The following ZFPM2 variants were observed in gnomAD, a reference collection of about 807,000 sequenced individuals.
The protein encoded by ZFPM2 is zinc finger protein, FOG family member 2.
In ZFPM2, 20 loss-of-function variants were observed where a neutral mutation model predicts 98.6. That is an observed-to-expected ratio of 0.20 (90% confidence interval 0.14 to 0.29). ZFPM2 has a LOEUF of 0.29. ZFPM2 is among the 10% of genes least tolerant of loss of function. The pLI is 1.00. For missense variants in ZFPM2, 1,310 were observed against 1,388.6 expected (o/e 0.94, Z 0.90); for synonymous variants, 518 against 502.7 (o/e 1.03, Z -0.41).
At chr8:105,381,441 C>T (rs1005609759) in intron 1 of ZFPM2, among the ~76,000 whole-genome samples, 6 of 151,778 alleles carry the variant, frequency 4.0e-5, no homozygotes, top group Admixed American at 6.6e-5. Context: ...AGTAAGATAC[C>T]CAAACTAGAG....
chr8:105,624,551 A>T (rs1816615096), intron 4 of ZFPM2, among the ~76,000 whole-genome samples: 1 of 152,156 alleles, frequency 6.6e-6, no homozygotes, highest in Non-Finnish European at 1.5e-5. Context: ...TCATCTAGAG[A>T]TTCTTCCCAT....
At chr8:105,764,666 T>G (rs1400376736) in intron 5 of ZFPM2, among the ~76,000 whole-genome samples, 1 of 151,824 alleles carries the variant, frequency 6.6e-6, no homozygotes, top group Non-Finnish European at 1.5e-5. Context: ...AAGTGAAATG[T>G]GTTTTTTCAT....
intron 5 of ZFPM2, among the ~76,000 whole-genome samples, chr8:105,772,181 C>T (rs1465915493): frequency 6.6e-6 from 1 of 152,094 alleles, no homozygotes; most frequent in African/African-American, 2.4e-5. Context: ...CCCAGAACTT[C>T]CACTTAAGAA....
At chr8:105,501,074 G>A (rs1253856362) in intron 3 of ZFPM2, among the ~76,000 whole-genome samples, 2 of 152,054 alleles carry the variant, frequency 1.3e-5, no homozygotes, top group Non-Finnish European at 2.9e-5. Flanking sequence ...CACTATAACA[G>A]TTCCAATTTG....
rs181584971 is a variant in ZFPM2 at position 105,500,627 on chromosome 8, G to C, written c.301+56246G>C. Reference sequence around the variant, plus strand: ...AGAAGTGATAATATATGGGTTATTAGCTAAGTATATTGTAATGGAAATTTA... The same window carrying C: ...AGAAGTGATAATATATGGGTTATTACCTAAGTATATTGTAATGGAAATTTA... On this transcript the variant is annotated intron_variant, in intron 3 of 7. Transcript: ENST00000407775. Among the ~76,000 whole-genome samples, 30 of 152,210 alleles carry C rather than the reference G, an allele frequency of 2.0e-4. 1 individual carries two copies. Among genetic ancestry groups the C allele is most frequent in the Admixed American group, 1.9e-3 (29 of 15,288 alleles).
intron 5 of ZFPM2, among the ~76,000 whole-genome samples, chr8:105,706,961 C>T (rs2130967428): frequency 6.6e-6 from 1 of 150,746 alleles, no homozygotes; most frequent in South Asian, 2.1e-4. Context: ...AGTATTTAGG[C>T]TGGGTGTGGT....
At chr8:105,683,754 T>A (rs1457889036) in intron 5 of ZFPM2, among the ~76,000 whole-genome samples, 3 of 152,178 alleles carry the variant, frequency 2.0e-5, no homozygotes, top group Admixed American at 6.6e-5. Flanking sequence ...TTTTTCCAGG[T>A]TGAATTAGAA....
intron 3 of ZFPM2, among the ~76,000 whole-genome samples, chr8:105,486,944 C>T (rs950740119): frequency 2.0e-4 from 30 of 152,202 alleles, no homozygotes; most frequent in African/African-American, 5.1e-4. Flanking sequence ...TAAATGTGTA[C>T]GCTTTTGATA....
intron 1 of ZFPM2, among the ~76,000 whole-genome samples, chr8:105,330,612 ACATATAT>A: frequency 2.7e-5 from 1 of 36,710 alleles, no homozygotes; most frequent in Admixed American, 2.9e-4. Flanking sequence ...ATATATATAC[ACATATAT>A]ATATATATAT....
intron 1 of ZFPM2, among the ~76,000 whole-genome samples, chr8:105,384,150 G>A (rs1412815425): frequency 6.6e-6 from 1 of 152,044 alleles, no homozygotes; most frequent in African/African-American, 2.4e-5. Context: ...TCCCCATTCT[G>A]CCAGCCCTCC....
chr8:105,558,336 T>C (rs1314489678), intron 3 of ZFPM2, among the ~76,000 whole-genome samples: 1 of 152,138 alleles, frequency 6.6e-6, no homozygotes, highest in African/African-American at 2.4e-5. Context: ...TAAGAAAGGA[T>C]TTTCCTAAAC....
chr8:105,619,749 TC>T (rs1816495586), intron 4 of ZFPM2, among the ~76,000 whole-genome samples: 1 of 151,712 alleles, frequency 6.6e-6, no homozygotes, highest in Non-Finnish European at 1.5e-5. Flanking sequence ...TTCTTGTTGT[TC>T]AGTTCCCACC....
chr8:105,392,065 A>T (rs1364825850), intron 1 of ZFPM2, among the ~76,000 whole-genome samples: 2 of 152,176 alleles, frequency 1.3e-5, no homozygotes, highest in Non-Finnish European at 2.9e-5. Flanking sequence ...TGCAGAATGG[A>T]TTTTTGTTAC....
chr8:105,669,536 A>ATGTG (rs71305176), intron 5 of ZFPM2, among the ~76,000 whole-genome samples: 4,095 of 139,104 alleles, frequency 0.029, 105 homozygotes, highest in Admixed American at 0.085. Flanking sequence ...GAAAGTGTGC[A>ATGTG]TGTGTGTGTG....
intron 5 of ZFPM2, among the ~76,000 whole-genome samples, chr8:105,754,987 C>T (rs1322740687): frequency 2.7e-5 from 4 of 146,962 alleles, no homozygotes; most frequent in South Asian, 4.3e-4. Context: ...TGTGTGTGCA[C>T]GTGCGCATGT....
intron 5 of ZFPM2, among the ~76,000 whole-genome samples, chr8:105,759,065 A>G (rs1162621361): frequency 6.6e-6 from 1 of 152,152 alleles, no homozygotes; most frequent in Non-Finnish European, 1.5e-5. Context: ...CATATCACAT[A>G]TAACAATGAG....
intron 4 of ZFPM2, among the ~76,000 whole-genome samples, chr8:105,627,627 A>C (rs548169188): frequency 1.3e-5 from 2 of 152,322 alleles, no homozygotes; most frequent in East Asian, 3.9e-4. Flanking sequence ...GCTGTATGCA[A>C]CCCTAATACT....
chr8:105,430,967 G>T (rs1284697155), intron 2 of ZFPM2, among the ~76,000 whole-genome samples: 1 of 149,864 alleles, frequency 6.7e-6, no homozygotes, highest in Admixed American at 6.7e-5. Flanking sequence ...GCGATGGAGC[G>T]ATCTCGGCTC....
intron 3 of ZFPM2, among the ~76,000 whole-genome samples, chr8:105,492,614 G>A (rs1813379231): frequency 6.6e-6 from 1 of 152,118 alleles, no homozygotes. Flanking sequence ...TAAAGAAATA[G>A]TGTGAGATTT....
Sources: gnomAD v4.1 joint callset for allele counts (sites outside exome capture counted in the v4.1 genomes callset) on GRCh38, gnomAD v4.1.1 for gene constraint, MANE v1.5 for transcripts, NCBI Gene and HGNC (gene_info 2026-07-23, HGNC 2026-07-21) for gene names.